The following UNC13C variants were observed in gnomAD, a reference collection of about 807,000 sequenced individuals.
The protein encoded by UNC13C is protein unc-13 homolog C.
A neutral mutation model predicts 245.4 loss-of-function variants in UNC13C; 174 were observed. The ratio of observed to expected loss-of-function variants is 0.71; its 90% CI spans 0.63 to 0.80. The LOEUF (loss-of-function observed/expected upper bound fraction) is 0.80. Ranked by LOEUF, UNC13C falls within the 30% of genes least tolerant of loss-of-function variation. UNC13C has a pLI of 0.00. For missense variants in UNC13C, 2,829 were observed against 2,602.9 expected (o/e 1.09, Z -1.89); for synonymous variants, 992 against 895.1 (o/e 1.11, Z -1.93).
At chr15:54,251,784 G>A (rs2036158783) in intron 8 of UNC13C, among the ~76,000 whole-genome samples, 1 of 152,058 alleles carries the variant, frequency 6.6e-6, no homozygotes, top group Admixed American at 6.6e-5. Flanking sequence ...GACACTGAAG[G>A]GAGAAGAGGA....
chr15:54,395,600 G>A (rs2040053796), intron 18 of UNC13C, among the ~76,000 whole-genome samples: 1 of 151,828 alleles, frequency 6.6e-6, no homozygotes, highest in Non-Finnish European at 1.5e-5. Flanking sequence ...TGTTTTAGAG[G>A]CAAAGGCAAG....
intron 19 of UNC13C, among the ~76,000 whole-genome samples, chr15:54,482,131 C>T (rs1357812350): frequency 6.6e-6 from 1 of 152,088 alleles, no homozygotes; most frequent in Non-Finnish European, 1.5e-5. Flanking sequence ...TAAGGCACTG[C>T]ATGGGCTAGA....
intron 4 of UNC13C, among the ~76,000 whole-genome samples, chr15:54,228,831 G>T (rs960524461): frequency 3.9e-5 from 6 of 152,268 alleles, no homozygotes; most frequent in African/African-American, 1.2e-4. Context: ...TTGGGGAAAT[G>T]GGTGGTACAA....
At chr15:54,473,652 A>G (rs1021888267) in intron 19 of UNC13C, among the ~76,000 whole-genome samples, 12 of 151,910 alleles carry the variant, frequency 7.9e-5, no homozygotes, top group African/African-American at 2.7e-4. Context: ...ATGTTGCTGC[A>G]AGTGCAAGAT....
At chr15:54,428,793 T>C (rs904627189) in intron 19 of UNC13C, among the ~76,000 whole-genome samples, 6 of 151,528 alleles carry the variant, frequency 4.0e-5, no homozygotes, top group Non-Finnish European at 7.4e-5. Context: ...TGCCCTTTGA[T>C]CCCTTGTTTG....
chr15:54,257,690 G>T (rs1020141791), intron 8 of UNC13C, among the ~76,000 whole-genome samples: 18 of 152,128 alleles, frequency 1.2e-4, no homozygotes, highest in African/African-American at 3.6e-4. Context: ...TGTTAGATCT[G>T]TGATCCTCCA....
chr15:53,987,963 T>C (rs1894219583), intron 1 of UNC13C, among the ~76,000 whole-genome samples: 1 of 151,994 alleles, frequency 6.6e-6, no homozygotes. Context: ...AGAAATGAAG[T>C]TCAGTTTCAG....
At chr15:53,877,625 G>T in the UNC13C span, among the ~76,000 whole-genome samples, 1 of 152,172 alleles carries the variant, frequency 6.6e-6, no homozygotes, top group African/African-American at 2.4e-5. Flanking sequence ...TGAAGGAGAA[G>T]AAACACGAAG....
chr15:54,299,771 A>C (rs557107410), intron 12 of UNC13C, among the ~76,000 whole-genome samples: 1 of 152,236 alleles, frequency 6.6e-6, no homozygotes, highest in South Asian at 2.1e-4. Context: ...GCTGCAGTGT[A>C]ATAGAATCTA....
At position 54,097,298 on chromosome 15, in the gene UNC13C, A is replaced by G. The variant is rs150829902; in HGVS notation, c.2984-45720A>G. Among the ~76,000 whole-genome samples the G allele has an allele frequency of 8.0e-4, 122 of 152,252 alleles. 4 individuals carry two copies. The South Asian group carries it at 0.015, about 18-fold the overall frequency. On this transcript the variant is annotated intron_variant, in intron 2 of 32. Transcript: ENST00000260323. ...AATTATTATCTATTTTACCACATGT[A>G]CTATTTGTTAGTTGGCTTTGTCCAT...
In UNC13C at chr15:54,237,765, A is replaced by T. The variant is rs902524516; in HGVS notation, c.3228+75A>T. 4.9e-6 allele frequency: 6 copies of T among 1,224,860 alleles called. No individual in the cohort carries two copies. The African/African-American group carries it at 7.5e-5, about 15-fold the overall frequency. The allele number at this position is 1,224,860 out of a possible 1,614,324, so 75.9% of individuals were successfully genotyped here. ...CACAAGGGAGAAACTGTTCTGCTTG[A>T]GCTACTCATCTGTGATGTTTAGTCC... is the stretch of plus-strand genomic sequence containing the variant. On this transcript the variant is annotated intron_variant, in intron 7 of 32. Coordinates refer to ENST00000260323, the MANE Select transcript of UNC13C (RefSeq NM_001080534.3).
At chr15:53,942,758 G>T in the UNC13C span, among the ~76,000 whole-genome samples, 2 of 152,078 alleles carry the variant, frequency 1.3e-5, no homozygotes, top group African/African-American at 4.8e-5. Flanking sequence ...CCAACTCCTG[G>T]TTCAAGCAAC....
chr15:54,341,182 A>G (rs1333120313), intron 17 of UNC13C, among the ~76,000 whole-genome samples: 1 of 152,230 alleles, frequency 6.6e-6, no homozygotes, highest in East Asian at 1.9e-4. Flanking sequence ...ACTATTCACA[A>G]AAGCAAAGAC....
chr15:53,921,498 A>G, the UNC13C span, among the ~76,000 whole-genome samples: 158 of 152,194 alleles, frequency 1.0e-3, 2 homozygotes, highest in Non-Finnish European at 2.9e-4. Flanking sequence ...TTCTCTGTGG[A>G]GACTATATAT....
chr15:54,438,012 C>T (rs189719328), intron 19 of UNC13C, among the ~76,000 whole-genome samples: 85 of 151,972 alleles, frequency 5.6e-4, no homozygotes, highest in Admixed American at 5.0e-3. Context: ...GGAGTAAGTG[C>T]ATTCATAAGA....
intron 2 of UNC13C, among the ~76,000 whole-genome samples, chr15:54,080,117 T>A (rs1898863740): frequency 6.6e-6 from 1 of 151,814 alleles, no homozygotes; most frequent in Non-Finnish European, 1.5e-5. Flanking sequence ...TGTAGTGAAT[T>A]ACACTTATTG....
chr15:54,240,954 G>T (rs1404570100), intron 7 of UNC13C, among the ~76,000 whole-genome samples: 2 of 152,138 alleles, frequency 1.3e-5, no homozygotes, highest in African/African-American at 4.8e-5. Context: ...TGTTGTTTCA[G>T]ACTGGAAATA....
chr15:54,316,080 G>GTT (rs758700702), intron 13 of UNC13C, among the ~76,000 whole-genome samples: 1 of 151,758 alleles, frequency 6.6e-6, no homozygotes, highest in African/African-American at 2.4e-5. Flanking sequence ...CACTTCCTAA[G>GTT]ACATGTTGAA....
At chr15:53,979,997 TA>T (rs990813426) in intron 1 of UNC13C, among the ~76,000 whole-genome samples, 108 of 152,304 alleles carry the variant, frequency 7.1e-4, no homozygotes, top group Non-Finnish European at 1.2e-3. Context: ...TTTGTATATA[TA>T]AAATATTTAA....
Sources: gnomAD v4.1 joint callset for allele counts (sites outside exome capture counted in the v4.1 genomes callset) on GRCh38, gnomAD v4.1.1 for gene constraint, MANE v1.5 for transcripts, NCBI Gene and HGNC (gene_info 2026-07-23, HGNC 2026-07-21) for gene names.